RBPJ: variants seen among roughly 807,000 people sequenced by gnomAD.
RBPJ encodes recombination signal binding protein for immunoglobulin kappa J region.
In RBPJ, 9 loss-of-function variants were observed where a neutral mutation model predicts 67.8. That is an observed-to-expected ratio of 0.13 (90% CI 0.08 to 0.23). RBPJ has a LOEUF of 0.23. RBPJ is among the 10% of genes least tolerant of loss of function. The pLI, the probability that RBPJ is intolerant of heterozygous loss-of-function variation, is 1.00. For synonymous variants in RBPJ, 198 were observed against 203.3 expected (o/e 0.97, Z 0.22); for missense variants, 305 against 595.6 (o/e 0.51, Z 5.08).
At chr4:26,317,435 AGAG>A (rs1462936599), upstream of RBPJ, among the ~76,000 whole-genome samples, 1 of 152,154 alleles carries the variant, frequency 6.6e-6, no homozygotes, top group East Asian at 1.9e-4. Flanking sequence ...AGTGAGAGGT[AGAG>A]GAGGAGGTGA....
chr4:26,315,931 C>T (rs531994398), upstream of RBPJ, among the ~76,000 whole-genome samples: 6 of 152,198 alleles, frequency 3.9e-5, no homozygotes, highest in South Asian at 4.1e-4. Flanking sequence ...TGCCCCACCC[C>T]GCAGGCAGTC....
At chr4:26,228,358 A>T (rs1719150916) in intron 1 of RBPJ, among the ~76,000 whole-genome samples, 3 of 152,180 alleles carry the variant, frequency 2.0e-5, no homozygotes, top group Admixed American at 6.5e-5. Context: ...TATTACATAC[A>T]TATGCACACT....
chr4:26,186,023 G>A (rs796823117), intron 1 of RBPJ, among the ~76,000 whole-genome samples: 11 of 152,130 alleles, frequency 7.2e-5, no homozygotes, highest in African/African-American at 2.7e-4. Context: ...TCCAGCGTAG[G>A]CGACAAGAGT....
intron 1 of RBPJ, among the ~76,000 whole-genome samples, chr4:26,296,412 C>T (rs549724261): frequency 2.0e-4 from 30 of 152,128 alleles, no homozygotes; most frequent in South Asian, 6.2e-4. Flanking sequence ...GCTTTATGGA[C>T]GGTGGATGGT....
chr4:26,280,974 C>T (rs1450116868), intron 1 of RBPJ, among the ~76,000 whole-genome samples: 1 of 151,888 alleles, frequency 6.6e-6, no homozygotes, highest in African/African-American at 2.4e-5. Context: ...GTAACCAAAA[C>T]GAAATACAGA....
At chr4:26,141,538 A>G in the RBPJ span, among the ~76,000 whole-genome samples, 3 of 152,216 alleles carry the variant, frequency 2.0e-5, no homozygotes, top group Non-Finnish European at 4.4e-5. Context: ...ATAATTGCAC[A>G]TATTTATGGG....
At chr4:26,210,752 C>CTTCTTTCTTTCTTTCTTTCT (rs762128862) in intron 1 of RBPJ, among the ~76,000 whole-genome samples, 857 of 47,262 alleles carry the variant, frequency 0.018, 28 homozygotes, top group East Asian at 0.054. Flanking sequence ...TCCTTCTTTC[C>CTTCTTTCTTTCTTTCTTTCT]TTCTTTCTTT....
At chr4:26,117,887 A>G in the RBPJ span, among the ~76,000 whole-genome samples, 1 of 152,146 alleles carries the variant, frequency 6.6e-6, no homozygotes, top group Non-Finnish European at 1.5e-5. Flanking sequence ...AATATTTGGC[A>G]GTGATTTAAA....
At chr4:26,364,511 G>A (rs1233513515) in intron 1 of RBPJ, among the ~76,000 whole-genome samples, 2 of 150,552 alleles carry the variant, frequency 1.3e-5, no homozygotes, top group East Asian at 3.9e-4. Context: ...TTTTGGGGTA[G>A]CACTTGAGAA....
At chr4:26,183,966 C>T (rs982838897) in intron 1 of RBPJ, among the ~76,000 whole-genome samples, 4 of 151,378 alleles carry the variant, frequency 2.6e-5, no homozygotes, top group South Asian at 2.1e-4. Context: ...AAGCTGAGAT[C>T]GCATCACTGC....
chr4:26,106,307 G>A, the RBPJ span, among the ~76,000 whole-genome samples: 32 of 152,350 alleles, frequency 2.1e-4, no homozygotes, highest in African/African-American at 7.7e-4. Context: ...ACTAGTGAAA[G>A]CTTTGAGATG....
rs1395533086 is a variant in RBPJ, at chr4:26,349,291, C to G, written c.20+28243C>G. Among the ~76,000 whole-genome samples, 3 of 152,048 alleles carry G rather than the reference C, an allele frequency of 2.0e-5. No homozygotes were observed. In the East Asian group the frequency reaches 5.8e-4, roughly 29 times the overall value. On this transcript the variant is annotated intron_variant, in intron 1 of 10. Coordinates refer to ENST00000355476, the MANE Select transcript of RBPJ (RefSeq NM_015874.6). ...CTCGCTATGTTGCCCAGGCTGGCCT[C>G]AAACTTCTGGACGCAAGTGATCCTC...
At chr4:26,151,559 C>G in the RBPJ span, among the ~76,000 whole-genome samples, 1 of 152,328 alleles carries the variant, frequency 6.6e-6, no homozygotes, top group East Asian at 1.9e-4. Flanking sequence ...ACTCTCATCT[C>G]TGCTCTTTGA....
chr4:26,249,777 CTCT>C (rs1720041390), intron 1 of RBPJ, among the ~76,000 whole-genome samples: 1 of 149,670 alleles, frequency 6.7e-6, no homozygotes, highest in African/African-American at 2.5e-5. Context: ...TCAGAACTTT[CTCT>C]TTTTTTTTTT....
chr4:26,188,115 A>C (rs1717341070), intron 1 of RBPJ, among the ~76,000 whole-genome samples: 1 of 152,298 alleles, frequency 6.6e-6, no homozygotes, highest in East Asian at 1.9e-4. Flanking sequence ...AGGCCAAGGC[A>C]CGAAAATCCC....
chr4:26,384,126 G>T (rs1284419357), intron 1 of RBPJ, among the ~76,000 whole-genome samples: 1 of 152,126 alleles, frequency 6.6e-6, no homozygotes, highest in Non-Finnish European at 1.5e-5. Flanking sequence ...AGGATTACAG[G>T]CATGAGCTAC....
intron 1 of RBPJ, among the ~76,000 whole-genome samples, chr4:26,327,046 A>G (rs1436678830): frequency 1.3e-5 from 2 of 152,148 alleles, no homozygotes; most frequent in African/African-American, 4.8e-5. Flanking sequence ...GGCAGCTGTA[A>G]CAATGTAGGA....
At chr4:26,312,141 T>A (rs891207420) in intron 1 of RBPJ, among the ~76,000 whole-genome samples, 2 of 149,384 alleles carry the variant, frequency 1.3e-5, no homozygotes, top group Admixed American at 6.7e-5. Context: ...TTTTATTTTA[T>A]TTTTTTTTGA....
chr4:26,119,106 T>C, the RBPJ span, among the ~76,000 whole-genome samples: 8 of 152,198 alleles, frequency 5.3e-5, no homozygotes, highest in Admixed American at 3.9e-4. Flanking sequence ...TTACCTACCT[T>C]ATAATATCAC....
Sources: gnomAD v4.1 joint callset for allele counts (sites outside exome capture counted in the v4.1 genomes callset) on GRCh38, gnomAD v4.1.1 for gene constraint, MANE v1.5 for transcripts, NCBI Gene and HGNC (gene_info 2026-07-23, HGNC 2026-07-21) for gene names.